MRPL1: variants seen among roughly 807,000 people sequenced by gnomAD.
The protein encoded by MRPL1 is large ribosomal subunit protein uL1m.
Under a neutral mutation model 38.0 loss-of-function variants are expected in MRPL1, and 28 were observed. The observed-to-expected ratio is 0.74, with a 90% CI of 0.55 to 1.01. MRPL1 has a LOEUF of 1.01. Ranked by LOEUF, MRPL1 falls within the 50% of genes least tolerant of loss-of-function variation. The pLI is 0.00. For synonymous variants in MRPL1, 123 were observed against 126.7 expected (o/e 0.97, Z 0.20); for missense variants, 358 against 389.8 (o/e 0.92, Z 0.69).
At chr4:77,902,695 C>A (rs181227315) in intron 6 of MRPL1, among the ~76,000 whole-genome samples, 8 of 150,862 alleles carry the variant, frequency 5.3e-5, no homozygotes, top group Admixed American at 4.6e-4. Context: ...GAATACATAT[C>A]CCATAAATTT....
intron 7 of MRPL1, among the ~76,000 whole-genome samples, chr4:77,948,169 T>G (rs1737315985): frequency 6.6e-6 from 1 of 152,196 alleles, no homozygotes; most frequent in Non-Finnish European, 1.5e-5. Flanking sequence ...TGCTTTTTCT[T>G]TATCTCTTTT....
chr4:77,905,323 C>G (rs539802398), intron 6 of MRPL1, among the ~76,000 whole-genome samples: 1 of 151,616 alleles, frequency 6.6e-6, no homozygotes, highest in African/African-American at 2.4e-5. Context: ...CTGGTGAAAC[C>G]CTGTTTCTAC....
At chr4:77,867,537 T>G (rs1735172728) in intron 1 of MRPL1, among the ~76,000 whole-genome samples, 1 of 140,262 alleles carries the variant, frequency 7.1e-6, no homozygotes, top group Admixed American at 6.9e-5. Flanking sequence ...ATTCTTTTCT[T>G]TTTCTTTTTC....
In MRPL1 at chr4:77,862,896, T is replaced by A. The variant is rs1735033800; in HGVS notation, c.31+17T>A. ...TGGGTAGAGGTAAGGCGAGGGGTTG[T>A]CTTGCAGGGGAAATGGCTCTGGCAC... On this transcript the variant is annotated intron_variant, in intron 1 of 8. Transcript: ENST00000315567. The A allele has an allele frequency of 3.1e-6, 5 of 1,613,972 alleles. No individual in the cohort carries two copies. The highest frequency in any genetic ancestry group is 1.6e-4 in the Middle Eastern group (1 of 6,082).
At chr4:77,885,398 C>G in intron 4 of MRPL1, 59 bp downstream of exon 4, 1 of 1,339,084 alleles carries the variant, frequency 7.5e-7, no homozygotes, top group Non-Finnish European at 1.1e-6. Flanking sequence ...GACGGAGTCT[C>G]ACTCTGTCAC....
In MRPL1 at chr4:77,936,808, G is replaced by A. The variant is rs147040445; in HGVS notation, c.778-12989G>A. ...CAGAATGCATTCTGTGTCTATGTAC[G>A]AATGTGGCATTGTTTATTAAAAAAT... On this transcript the variant is annotated intron_variant, in intron 7 of 8. Transcript: ENST00000315567. Among the ~76,000 whole-genome samples the A allele has an allele frequency of 3.9e-5, 6 of 152,148 alleles. No homozygotes were observed. In the East Asian group the frequency reaches 7.7e-4, roughly 20 times the overall value.
chr4:77,918,097 T>C (rs984339505), intron 7 of MRPL1, among the ~76,000 whole-genome samples: 40 of 150,382 alleles, frequency 2.7e-4, no homozygotes, highest in African/African-American at 9.3e-4. Context: ...ATACATGATA[T>C]AGAAGTTACA....
At chr4:77,902,129 C>A (rs1736049444) in intron 6 of MRPL1, among the ~76,000 whole-genome samples, 1 of 152,188 alleles carries the variant, frequency 6.6e-6, no homozygotes, top group South Asian at 2.1e-4. Flanking sequence ...GAAAGACTGT[C>A]TTAAACTGAA....
intron 7 of MRPL1, among the ~76,000 whole-genome samples, chr4:77,928,440 C>T (rs1431883157): frequency 6.6e-6 from 1 of 152,228 alleles, no homozygotes; most frequent in Non-Finnish European, 1.5e-5. Flanking sequence ...GTTCATGGCT[C>T]ACTGCCACTT....
rs746541393 is a variant in MRPL1 at position 77,909,315 on chromosome 4, A to C, written c.720A>C (p.Gly240=). 29 of 1,612,010 alleles carry C rather than the reference A, an allele frequency of 1.8e-5. No individual in the cohort carries two copies. The highest frequency in any genetic ancestry group is 2.4e-5 in the Non-Finnish European group (28 of 1,179,256). The change falls in exon 7 of 9, where the codon GGA becomes GGC. Residue 240 remains glycine (G), a synonymous_variant. Transcript: ENST00000315567. ...IPKMLELFKN[G]HEIKVDEERE... ...AAATGCTTGAATTATTTAAAAATGGACATGAAATTAAGGTAGATGAAGAAA... is the reference window on the plus strand; with the variant it reads ...AAATGCTTGAATTATTTAAAAATGGCCATGAAATTAAGGTAGATGAAGAAA...
At chr4:77,942,196 T>G (rs943889859) in intron 7 of MRPL1, among the ~76,000 whole-genome samples, 1 of 152,182 alleles carries the variant, frequency 6.6e-6, no homozygotes, top group Admixed American at 6.5e-5. Flanking sequence ...TGGAGTTGAT[T>G]TCTACTTTTA....
intron 7 of MRPL1, among the ~76,000 whole-genome samples, chr4:77,932,270 A>T (rs1053745677): frequency 2.0e-5 from 3 of 152,118 alleles, no homozygotes; most frequent in Non-Finnish European, 4.4e-5. Flanking sequence ...AATAGCAGAG[A>T]TTTTTAAAGA....
intron 7 of MRPL1, among the ~76,000 whole-genome samples, chr4:77,937,283 C>G (rs1236382757): frequency 6.6e-6 from 1 of 152,204 alleles, no homozygotes; most frequent in Non-Finnish European, 1.5e-5. Context: ...GTTCAAAACT[C>G]TAATCTCATA....
At chr4:77,879,797 T>A (rs1464182502) in intron 2 of MRPL1, among the ~76,000 whole-genome samples, 1 of 152,204 alleles carries the variant, frequency 6.6e-6, no homozygotes, top group Non-Finnish European at 1.5e-5. Flanking sequence ...TGAGATGTGT[T>A]GTATGCATCC....
At chr4:77,951,837 G>A (rs1448699586) in intron 8 of MRPL1, among the ~76,000 whole-genome samples, 1 of 152,132 alleles carries the variant, frequency 6.6e-6, no homozygotes, top group African/African-American at 2.4e-5. Flanking sequence ...GCCCTGCAAT[G>A]AGATGCTGCT....
chr4:77,924,531 T>C (rs1262495920), intron 7 of MRPL1, among the ~76,000 whole-genome samples: 1 of 152,176 alleles, frequency 6.6e-6, no homozygotes, highest in Non-Finnish European at 1.5e-5. Context: ...AGCCCCCACC[T>C]TGAGACCCCT....
chr4:77,946,537 A>G (rs1355852360), intron 7 of MRPL1, among the ~76,000 whole-genome samples: 1 of 152,246 alleles, frequency 6.6e-6, no homozygotes, highest in African/African-American at 2.4e-5. Context: ...TGTCCATGAA[A>G]TCTTCACAAT....
intron 6 of MRPL1, among the ~76,000 whole-genome samples, chr4:77,897,669 G>A (rs1560465084): frequency 6.6e-6 from 1 of 152,208 alleles, no homozygotes; most frequent in Non-Finnish European, 1.5e-5. Context: ...GGAATTTGGT[G>A]TTGTATCATA....
chr4:77,900,903 A>G (rs572221703), intron 6 of MRPL1, among the ~76,000 whole-genome samples: 6 of 152,250 alleles, frequency 3.9e-5, no homozygotes, highest in Admixed American at 3.9e-4. Context: ...GAAGAAGGAA[A>G]GAGTCTGGTA....
Sources: gnomAD v4.1 joint callset for allele counts (sites outside exome capture counted in the v4.1 genomes callset) on GRCh38, gnomAD v4.1.1 for gene constraint, MANE v1.5 for transcripts, NCBI Gene and HGNC (gene_info 2026-07-23, HGNC 2026-07-21) for gene names.